HHAT: variants seen among roughly 807,000 people sequenced by gnomAD.
The protein encoded by HHAT is hedgehog acyltransferase, also known as protein-cysteine N-palmitoyltransferase HHAT.
HHAT carries 47 observed loss-of-function variants against 70.8 expected under a neutral mutation model. That is an observed-to-expected ratio of 0.66 (90% CI 0.53 to 0.85). The LOEUF (loss-of-function observed/expected upper bound fraction) is 0.85, where lower values mean the gene tolerates loss of function less well. Among genes scored for constraint, HHAT ranks in the 40% least tolerant of loss-of-function variants. The probability of loss-of-function intolerance (pLI) is 0.00; values close to 1 mark genes in which losing one functional copy is unlikely to be tolerated. For synonymous variants in HHAT, 228 were observed against 247.6 expected (o/e 0.92, Z 0.74); for missense variants, 609 against 604.8 (o/e 1.01, Z -0.07).
intron 7 of HHAT, among the ~76,000 whole-genome samples, chr1:210,450,879 G>A (rs1377152581): frequency 4.6e-5 from 7 of 151,840 alleles, no homozygotes; most frequent in Admixed American, 4.6e-4. Flanking sequence ...TCAGGAGATC[G>A]AGACCATCCT....
At chr1:210,666,828 C>T (rs1376686923) in intron 11 of HHAT, among the ~76,000 whole-genome samples, 1 of 152,044 alleles carries the variant, frequency 6.6e-6, no homozygotes, top group Non-Finnish European at 1.5e-5. Flanking sequence ...TACCGTGGCT[C>T]ACGCCTGTAA....
chr1:210,653,246 GA>G (rs1024378272), intron 11 of HHAT, among the ~76,000 whole-genome samples: 3 of 152,168 alleles, frequency 2.0e-5, no homozygotes, highest in Admixed American at 2.0e-4. Flanking sequence ...ATTTTAGAAT[GA>G]AAAGTCAACT....
Position 210,471,295 on chromosome 1 carries a change from C to T in HHAT, c.1007+6640C>T, listed in dbSNP as rs182053837. 3.9e-5 allele frequency among the ~76,000 whole-genome samples: 6 copies of T among 152,064 alleles called. No individual in the cohort carries two copies. The East Asian group carries it at 7.7e-4, about 20-fold the overall frequency. On this transcript the variant is annotated intron_variant, in intron 8 of 11. Transcript: ENST00000261458. Reference sequence around the variant, plus strand: ...TGACATGCCAACATATCACATCTGCCGCAATTTATTTGAGAATGGCTTTGC... The same window carrying T: ...TGACATGCCAACATATCACATCTGCTGCAATTTATTTGAGAATGGCTTTGC...
intron 10 of HHAT, among the ~76,000 whole-genome samples, chr1:210,597,124 G>GA (rs1663184805): frequency 6.6e-6 from 1 of 152,200 alleles, no homozygotes; most frequent in Non-Finnish European, 1.5e-5. Flanking sequence ...AGATCCAGAA[G>GA]AATTATCTGG....
upstream of HHAT, among the ~76,000 whole-genome samples, chr1:210,327,682 T>A (rs1248273315): frequency 6.6e-6 from 1 of 151,836 alleles, no homozygotes; most frequent in African/African-American, 2.4e-5. Context: ...ATTTTTGTAT[T>A]TTTAGTAGAG....
intron 9 of HHAT, among the ~76,000 whole-genome samples, chr1:210,547,974 A>G (rs1052297609): frequency 7.2e-5 from 11 of 152,194 alleles, no homozygotes; most frequent in African/African-American, 2.7e-4. Context: ...GGTGGGTATA[A>G]ACAACTGTAT....
intron 8 of HHAT, among the ~76,000 whole-genome samples, chr1:210,483,184 G>A (rs1161638928): frequency 6.6e-6 from 1 of 152,006 alleles, no homozygotes; most frequent in Non-Finnish European, 1.5e-5. Flanking sequence ...TATTCTTTTG[G>A]CACAAAATTC....
chr1:210,537,740 A>G (rs763060942), intron 9 of HHAT, among the ~76,000 whole-genome samples: 10 of 152,246 alleles, frequency 6.6e-5, no homozygotes, highest in Non-Finnish European at 1.5e-4. Flanking sequence ...AAGTTGGACT[A>G]GGACTGGCAT....
At chr1:210,464,037 T>G (rs1041620565) in intron 7 of HHAT, among the ~76,000 whole-genome samples, 4 of 152,254 alleles carry the variant, frequency 2.6e-5, no homozygotes, top group Non-Finnish European at 5.9e-5. Context: ...AGCGTTTATC[T>G]TTTGTGTTAC....
intron 4 of HHAT, among the ~76,000 whole-genome samples, chr1:210,395,448 A>T (rs533489717): frequency 6.6e-6 from 1 of 152,252 alleles, no homozygotes; most frequent in East Asian, 1.9e-4. Flanking sequence ...CAATCCTTGG[A>T]GCTCTGCCAG....
intron 11 of HHAT, among the ~76,000 whole-genome samples, chr1:210,642,709 T>C (rs972174816): frequency 2.2e-4 from 34 of 152,242 alleles, no homozygotes; most frequent in Admixed American, 1.0e-3. Context: ...ATTGGCTTTT[T>C]CTTCTCGATT....
intron 11 of HHAT, among the ~76,000 whole-genome samples, chr1:210,659,364 T>A (rs1163696648): frequency 6.6e-6 from 1 of 152,030 alleles, no homozygotes; most frequent in African/African-American, 2.4e-5. Context: ...ACATACACTC[T>A]CCCAAGACTA....
intron 6 of HHAT, among the ~76,000 whole-genome samples, chr1:210,417,258 A>T (rs1282244530): frequency 6.6e-6 from 1 of 152,220 alleles, no homozygotes; most frequent in African/African-American, 2.4e-5. Context: ...TTTTTTAGAC[A>T]GTCTTGCTCT....
chr1:210,410,448 T>G (rs2092497557), intron 6 of HHAT, among the ~76,000 whole-genome samples: 1 of 108,162 alleles, frequency 9.2e-6, no homozygotes, highest in South Asian at 2.8e-4. Context: ...AAACCTTTTG[T>G]TTTTTTTTTT....
intron 9 of HHAT, among the ~76,000 whole-genome samples, chr1:210,574,088 G>T (rs1657051916): frequency 6.6e-6 from 1 of 152,194 alleles, no homozygotes; most frequent in South Asian, 2.1e-4. Context: ...ATGCTGTCAG[G>T]CCTGGTGAGG....
chr1:210,450,385 A>C (rs1191213217), intron 7 of HHAT, among the ~76,000 whole-genome samples: 1 of 152,216 alleles, frequency 6.6e-6, no homozygotes, highest in African/African-American at 2.4e-5. Flanking sequence ...TGCATAGATC[A>C]CTGGAGCCTT....
intron 3 of HHAT, among the ~76,000 whole-genome samples, chr1:210,386,394 A>G (rs2091075531): frequency 6.7e-6 from 1 of 149,072 alleles, no homozygotes; most frequent in African/African-American, 2.5e-5. Context: ...GCCCGCCACT[A>G]CGCCCGGCTA....
At chr1:210,657,054 C>G (rs1323345768) in intron 11 of HHAT, among the ~76,000 whole-genome samples, 1 of 152,212 alleles carries the variant, frequency 6.6e-6, no homozygotes, top group Non-Finnish European at 1.5e-5. Flanking sequence ...TTTTTCCAAA[C>G]TAATATCAGA....
intron 6 of HHAT, among the ~76,000 whole-genome samples, chr1:210,405,648 T>C (rs61029290): frequency 0.03 from 4,516 of 152,252 alleles, 224 homozygotes; most frequent in African/African-American, 0.094. Flanking sequence ...AGAAATCTTA[T>C]TTTGTCCTCA....
Sources: gnomAD v4.1 joint callset for allele counts (sites outside exome capture counted in the v4.1 genomes callset) on GRCh38, gnomAD v4.1.1 for gene constraint, MANE v1.5 for transcripts, NCBI Gene and HGNC (gene_info 2026-07-23, HGNC 2026-07-21) for gene names.